Variants in AADACL3 observed in about 807,000 individuals in gnomAD.
AADACL3 encodes the protein arylacetamide deacetylase like 3.
AADACL3 carries 13 observed loss-of-function variants against 13.6 expected under a neutral mutation model. The observed-to-expected ratio is 0.95, with a 90% CI of 0.62 to 1.52. The LOEUF is 1.52. AADACL3 is among the 40% of genes most tolerant of loss of function. The pLI, the probability that AADACL3 is intolerant of heterozygous loss-of-function variation, is 0.00. For synonymous variants in AADACL3, 195 were observed against 197.0 expected (o/e 0.99, Z 0.08); for missense variants, 519 against 499.2 (o/e 1.04, Z -0.38).
Position 12,719,603 on chromosome 1 carries a change from G to A in AADACL3, c.297G>A (p.Val99=). 1.2e-6 allele frequency: 2 copies of A among 1,614,178 alleles called. No individual in the cohort carries two copies. The highest frequency in any genetic ancestry group is 1.7e-6 in the Non-Finnish European group (2 of 1,180,024). The change falls in exon 2 of 4, where the codon GTG becomes GTA. Residue 99 remains valine, a synonymous_variant. Coordinates refer to ENST00000359318, the MANE Select transcript of AADACL3 (RefSeq NM_001103170.3). ...ATTTCCGCTTTGGGACAATCCCTGT[G>A]AAGCTGTACCAACCCAAGGCATCCA... ...VTDFRFGTIP[V]KLYQPKASTC...
chr1:12,726,099 GA>G lies in AADACL3; in HGVS notation c.*104del. 7.6e-7 allele frequency: 1 copy of G among 1,324,374 alleles called. No individual in the cohort carries two copies. Among genetic ancestry groups the G allele is most frequent in the Non-Finnish European group, 1.0e-6 (1 of 978,514 alleles). 82.0% of individuals were successfully genotyped at this position (1,324,374 alleles called of 1,614,324 possible). On this transcript the variant is annotated 3_prime_UTR_variant, in exon 4 of 4. Transcript: ENST00000359318. The stretch of plus-strand genomic sequence containing the variant: ...TTAGGTGGTGCATAGTGGGGCTAGG[GA>G]GGGGGTAGAGGTTGCTGTCACCTTT...
chr1:12,725,667 T>A lies in AADACL3; in HGVS notation c.895T>A (p.Tyr299Asn). The change falls in exon 4 of 4, where the codon TAC becomes AAC. Residue 299 changes from tyrosine (Y) to asparagine (N), a missense_variant. Coordinates refer to ENST00000359318, the MANE Select transcript of AADACL3 (RefSeq NM_001103170.3). ...CCCTGAGAGGTTTAAGGAGAGGGGT[T>A]ACCAACTGAAGCCCCATGAGCCCAT... Reference protein sequence around the residue: ...NIPERFKERGYQLKPHEPMNE... With the variant: ...NIPERFKERGNQLKPHEPMNE... The A allele has an allele frequency of 6.2e-7, 1 of 1,614,138 alleles. No homozygotes were observed. The highest frequency in any genetic ancestry group is 8.5e-7 in the Non-Finnish European group (1 of 1,180,026).
intron 3 of AADACL3, among the ~76,000 whole-genome samples, chr1:12,724,028 C>A (rs1173716750): frequency 6.8e-6 from 1 of 147,898 alleles, no homozygotes; most frequent in African/African-American, 2.5e-5. Context: ...AGGTGATCCA[C>A]CTGCCTCGGC....
chr1:12,720,875 T>C lies in AADACL3; in HGVS notation c.386-8T>C. 6.2e-7 allele frequency: 1 copy of C among 1,609,966 alleles called. No individual in the cohort carries two copies. The highest frequency in any genetic ancestry group is 8.5e-7 in the Non-Finnish European group (1 of 1,177,150). ...CCTAGTGAATCTTAAAAACCATTTA[T>C]TTTCTAGAAACCCACCATGGCATAT... On this transcript the variant is annotated splice_region_variant and splice_polypyrimidine_tract_variant and intron_variant, in intron 2 of 3. Transcript: ENST00000359318.
rs1638420450 is a variant in AADACL3 at position 12,728,654 on chromosome 1, T to G, written c.*2658T>G. 1 of 152,298 alleles carries G rather than the reference T, an allele frequency of 6.6e-6. No individual in the cohort carries two copies. Among genetic ancestry groups the G allele is most frequent in the Non-Finnish European group, 1.5e-5 (1 of 68,054 alleles). 9.4% of individuals were successfully genotyped at this position (152,298 alleles called of 1,614,324 possible). A position where few individuals can be genotyped will look rare whatever the true frequency, so the allele number is the denominator to read the frequency against. ...TGGGAATGTCTAAATTGTCGTAATC[T>G]TTTTGCTGGTTGATGGTCTTGCCTT... On this transcript the variant is annotated 3_prime_UTR_variant, in exon 4 of 4. Transcript: ENST00000359318.
Position 12,726,173 on chromosome 1 carries a change from G to C in AADACL3, c.*177G>C. ...ACAATGCATGCTCCTGATGTCCAGA[G>C]GACGTGGTAGAAAAGACAGGTTTGG... On this transcript the variant is annotated 3_prime_UTR_variant, in exon 4 of 4. Coordinates refer to ENST00000359318, the MANE Select transcript of AADACL3 (RefSeq NM_001103170.3). The C allele has an allele frequency of 4.4e-6, 3 of 676,708 alleles. No individual in the cohort carries two copies. Among genetic ancestry groups the C allele is most frequent in the Non-Finnish European group, 7.2e-6 (3 of 416,354 alleles). 41.9% of individuals were successfully genotyped at this position (676,708 alleles called of 1,614,324 possible). A position where few individuals can be genotyped will look rare whatever the true frequency, so the allele number is the denominator to read the frequency against.
intron 1 of AADACL3, 51 bp downstream of exon 1, chr1:12,716,395 G>T: frequency 6.2e-7 from 1 of 1,612,796 alleles, no homozygotes; most frequent in Non-Finnish European, 8.5e-7. Context: ...AAGGAAGGCG[G>T]CAGGAAAAAT....
intron 3 of AADACL3, among the ~76,000 whole-genome samples, chr1:12,722,326 GAAA>G (rs564374343): frequency 3.1e-3 from 229 of 73,826 alleles, no homozygotes; most frequent in South Asian, 0.024. Context: ...GATTCCGTCT[GAAA>G]AAAAAAAAAA....
At chr1:12,724,572 C>A (rs1448112156) in intron 3 of AADACL3, among the ~76,000 whole-genome samples, 2 of 151,956 alleles carry the variant, frequency 1.3e-5, no homozygotes, top group African/African-American at 2.4e-5. Flanking sequence ...GCAGCCTCAA[C>A]CTCCCAGGCC....
Position 12,719,706 on chromosome 1 carries a change from C to T in AADACL3, c.385+15C>T, listed in dbSNP as rs1385896175. On this transcript the variant is annotated intron_variant, in intron 2 of 3. Transcript: ENST00000359318. ...GGGGAGTTTGAGTAAGAACCATTTT[C>T]TCAGACCTCCTAAAGGGTGGTGGCA... is the stretch of plus-strand genomic sequence containing the variant. The T allele has an allele frequency of 1.9e-6, 3 of 1,608,076 alleles. No individual in the cohort carries two copies. Among genetic ancestry groups the T allele is most frequent in the South Asian group, 2.2e-5 (2 of 90,916 alleles).
At chr1:12,723,378 G>A (rs1377622463) in intron 3 of AADACL3, among the ~76,000 whole-genome samples, 2 of 152,116 alleles carry the variant, frequency 1.3e-5, no homozygotes, top group Non-Finnish European at 2.9e-5. Flanking sequence ...ACCTCTGACT[G>A]TCTCCCAGTT....
Position 12,727,399 on chromosome 1 carries a change from C to G in AADACL3, c.*1403C>G, listed in dbSNP as rs932067464. The G allele has an allele frequency of 1.5e-4, 23 of 152,246 alleles. No individual in the cohort carries two copies. Among genetic ancestry groups the G allele is most frequent in the African/African-American group, 4.8e-4 (20 of 41,526 alleles). The allele number at this position is 152,246 out of a possible 1,614,324, so 9.4% of individuals were successfully genotyped here. A position where few individuals can be genotyped will look rare whatever the true frequency, so the allele number is the denominator to read the frequency against. ...TTCTACTACAGAAGCTAAATTGAAC[C>G]CTCAGGCAGGGTACGTGAAAGTGGC... On this transcript the variant is annotated 3_prime_UTR_variant, in exon 4 of 4. Transcript: ENST00000359318.
At chr1:12,723,005 T>A (rs1002846165) in intron 3 of AADACL3, among the ~76,000 whole-genome samples, 15 of 152,104 alleles carry the variant, frequency 9.9e-5, no homozygotes, top group African/African-American at 3.1e-4. Context: ...TATTTAAAAA[T>A]TTTTTAAAAA....
intron 3 of AADACL3, among the ~76,000 whole-genome samples, chr1:12,721,678 A>G (rs990736990): frequency 6.6e-6 from 1 of 152,224 alleles, no homozygotes; most frequent in East Asian, 1.9e-4. Context: ...ACCCCGCACC[A>G]TCACTCAAAC....
rs369187099 is a variant in AADACL3 at position 12,723,972 on chromosome 1, C to T, written c.450-1250C>T. Reference sequence around the variant, plus strand: ...GTTAATTTTGTATTTTTAGTAGAGACGGGGTTTCTCCATGTTGGTCAGGCT... The same window carrying T: ...GTTAATTTTGTATTTTTAGTAGAGATGGGGTTTCTCCATGTTGGTCAGGCT... On this transcript the variant is annotated intron_variant, in intron 3 of 3. Coordinates refer to ENST00000359318, the MANE Select transcript of AADACL3 (RefSeq NM_001103170.3). 1.9e-4 allele frequency among the ~76,000 whole-genome samples: 28 copies of T among 151,216 alleles called. No homozygotes were observed. The East Asian group carries it at 1.9e-3, about 10-fold the overall frequency.
chr1:12,727,640 A>T lies in AADACL3; in HGVS notation c.*1644A>T, dbSNP rs1281420717. The T allele has an allele frequency of 6.6e-6, 1 of 152,228 alleles. No individual in the cohort carries two copies. Among genetic ancestry groups the T allele is most frequent in the Non-Finnish European group, 1.5e-5 (1 of 68,050 alleles). The allele number at this position is 152,228 out of a possible 1,614,324, so 9.4% of individuals were successfully genotyped here. A position where few individuals can be genotyped will look rare whatever the true frequency, so the allele number is the denominator to read the frequency against. ...TGCTTTCAGTTGAATATTTGGGCTGAACTATGAGGCAGAGAGGAATCCCAT... is the reference window on the plus strand; with the variant it reads ...TGCTTTCAGTTGAATATTTGGGCTGTACTATGAGGCAGAGAGGAATCCCAT... On this transcript the variant is annotated 3_prime_UTR_variant, in exon 4 of 4. Transcript: ENST00000359318.
At chr1:12,716,847 G>C (rs373651795) in intron 1 of AADACL3, among the ~76,000 whole-genome samples, 1 of 152,172 alleles carries the variant, frequency 6.6e-6, no homozygotes, top group East Asian at 1.9e-4. Context: ...CTACCTGTTA[G>C]CTAGAGCCAG....
chr1:12,726,033 C>T lies in AADACL3; in HGVS notation c.*37C>T. 1 of 1,564,508 alleles carries T rather than the reference C, an allele frequency of 6.4e-7. No homozygotes were observed. The highest frequency in any genetic ancestry group is 8.7e-7 in the Non-Finnish European group (1 of 1,155,404). On this transcript the variant is annotated 3_prime_UTR_variant, in exon 4 of 4. Coordinates refer to ENST00000359318, the MANE Select transcript of AADACL3 (RefSeq NM_001103170.3). ...CTCTGCTGGTACTGCGGTGTGGATT[C>T]CACTGGCATCCAGCCTCCCACAGGG...
At chr1:12,722,672 G>GT (rs1638287646) in intron 3 of AADACL3, among the ~76,000 whole-genome samples, 1 of 151,076 alleles carries the variant, frequency 6.6e-6, no homozygotes. Flanking sequence ...CCCATAGAGT[G>GT]TTTCTTTGTC....
Sources: gnomAD v4.1 joint callset for allele counts (sites outside exome capture counted in the v4.1 genomes callset) on GRCh38, gnomAD v4.1.1 for gene constraint, MANE v1.5 for transcripts, NCBI Gene and HGNC (gene_info 2026-07-23, HGNC 2026-07-21) for gene names.